TUFT1: variants seen among roughly 807,000 people sequenced by gnomAD.
The protein encoded by TUFT1 is tuftelin.
A neutral mutation model predicts 57.8 loss-of-function variants in TUFT1; 43 were observed. The ratio of observed to expected loss-of-function variants is 0.74; its 90% CI spans 0.58 to 0.96. The LOEUF (loss-of-function observed/expected upper bound fraction) is 0.96, where lower values mean the gene tolerates loss of function less well. TUFT1 is among the 40% of genes least tolerant of loss of function. The pLI, the probability that TUFT1 is intolerant of heterozygous loss-of-function variation, is 0.00. For synonymous variants in TUFT1, 166 were observed against 176.7 expected (o/e 0.94, Z 0.48); for missense variants, 459 against 489.0 (o/e 0.94, Z 0.58).
At chr1:151,546,294 ACT>A (rs1465264649) in intron 1 of TUFT1, among the ~76,000 whole-genome samples, 2 of 151,606 alleles carry the variant, frequency 1.3e-5, no homozygotes, top group Admixed American at 6.6e-5. Context: ...CCAGAGCCTC[ACT>A]CTCTTTTATT....
chr1:151,546,726 A>G (rs1040125831), intron 1 of TUFT1, among the ~76,000 whole-genome samples: 3 of 152,246 alleles, frequency 2.0e-5, no homozygotes, highest in Admixed American at 6.5e-5. Context: ...TGGCTGAATA[A>G]TATTCCATTA....
At chr1:151,574,138 C>T in intron 7 of TUFT1, 132 bp from the exon 8 acceptor site, 3 of 1,053,408 alleles carry the variant, frequency 2.8e-6, no homozygotes, top group Non-Finnish European at 2.7e-6. Context: ...TGGTGGTGAG[C>T]CCATCAGTGT....
rs756778579 is a variant in TUFT1, at chr1:151,562,163, A to C, written c.133A>C (p.Lys45Gln). The change falls in exon 2 of 13, where the codon AAG (lysine) becomes CAG (glutamine). Residue 45 changes from lysine (K) to glutamine (Q), a missense_variant and splice_region_variant. By Grantham distance (53) the Lys-to-Gln change is moderately conservative (BLOSUM62 1). Transcript: ENST00000368849. ...AGATGAACTTGAACACATAGCCCAG[A>C]AGGTACTGCGGAATTCTGGTGGGCA... ...TGDELEHIAQKAGRKTYAMVS... is the reference protein window; with the variant it reads ...TGDELEHIAQQAGRKTYAMVS... The C allele has an allele frequency of 1.9e-6, 3 of 1,613,896 alleles. No individual in the cohort carries two copies. In the South Asian group the frequency reaches 3.3e-5, roughly 18 times the overall value.
intron 7 of TUFT1, among the ~76,000 whole-genome samples, chr1:151,571,671 G>A (rs970943922): frequency 9.2e-5 from 14 of 152,144 alleles, no homozygotes; most frequent in Non-Finnish European, 1.8e-4. Context: ...TGAGGCTCTA[G>A]CACTGACCAG....
intron 1 of TUFT1, among the ~76,000 whole-genome samples, chr1:151,554,391 T>G (rs958670386): frequency 6.6e-6 from 1 of 152,204 alleles, no homozygotes; most frequent in East Asian, 1.9e-4. Flanking sequence ...CATGCAGTGT[T>G]TTTTTAAATT....
chr1:151,564,854 A>T, intron 5 of TUFT1: 1 of 356,058 alleles, frequency 2.8e-6, no homozygotes, highest in Non-Finnish European at 5.1e-6. Flanking sequence ...GAAACACTGT[A>T]CAGAAATTGA....
At chr1:151,578,617 G>A in intron 9 of TUFT1, 104 bp from the exon 10 acceptor site, 1 of 956,632 alleles carries the variant, frequency 1.0e-6, no homozygotes, top group Non-Finnish European at 1.6e-6. Flanking sequence ...ATCAGGCAAA[G>A]GGAATCATAT....
At chr1:151,553,326 G>A (rs781653188) in intron 1 of TUFT1, among the ~76,000 whole-genome samples, 24 of 152,168 alleles carry the variant, frequency 1.6e-4, no homozygotes, top group South Asian at 1.2e-3. Context: ...TCCTGACCTC[G>A]TGATCTGCCC....
intron 1 of TUFT1, among the ~76,000 whole-genome samples, chr1:151,549,437 T>G (rs1241818705): frequency 2.6e-5 from 4 of 152,108 alleles, no homozygotes; most frequent in Non-Finnish European, 5.9e-5. Context: ...GAGCCCTAAG[T>G]TTTTCATCAG....
At position 151,578,614 on chromosome 1, in the gene TUFT1, A is replaced by T. The variant is rs1666553449; in HGVS notation, c.819-107A>T. On this transcript the variant is annotated intron_variant, in intron 9 of 12. Transcript: ENST00000368849. The stretch of plus-strand genomic sequence containing the variant: ...AGAGCAGCCTACCAGGGAATCAGGC[A>T]AAGGGAATCATATTAATGGGAACCT... The T allele has an allele frequency of 5.4e-6, 5 of 925,644 alleles. No individual in the cohort carries two copies. In the South Asian group the frequency reaches 7.3e-5, roughly 13 times the overall value. The allele number at this position is 925,644 out of a possible 1,614,324, so 57.3% of individuals were successfully genotyped here. A position where few individuals can be genotyped will look rare whatever the true frequency, so the allele number is the denominator to read the frequency against.
At chr1:151,571,001 C>G (rs1229812728) in intron 7 of TUFT1, among the ~76,000 whole-genome samples, 2 of 152,278 alleles carry the variant, frequency 1.3e-5, no homozygotes, top group Non-Finnish European at 2.9e-5. Flanking sequence ...GCCACCACAC[C>G]TGGCCCATGG....
At chr1:151,543,087 G>T (rs997872446) in intron 1 of TUFT1, among the ~76,000 whole-genome samples, 1 of 152,172 alleles carries the variant, frequency 6.6e-6, no homozygotes, top group Non-Finnish European at 1.5e-5. Flanking sequence ...GTGCCTTAGC[G>T]TATCACATGT....
chr1:151,558,652 T>C lies in TUFT1; in HGVS notation c.61-3439T>C, dbSNP rs1665789916. Among the ~76,000 whole-genome samples, 2 of 152,110 alleles carry C rather than the reference T, an allele frequency of 1.3e-5. 1 individual carries two copies. Among genetic ancestry groups the C allele is most frequent in the Admixed American group, 1.3e-4 (2 of 15,274 alleles). Reference sequence around the variant, plus strand: ...AGCCTAGTTGTCTATGCTCTTCCAATTGGAATGCGTAGGTTTATGAAACAG... The same window carrying C: ...AGCCTAGTTGTCTATGCTCTTCCAACTGGAATGCGTAGGTTTATGAAACAG... On this transcript the variant is annotated intron_variant, in intron 1 of 12. Coordinates refer to ENST00000368849, the MANE Select transcript of TUFT1 (RefSeq NM_020127.3).
chr1:151,580,661 C>CAA lies in TUFT1; in HGVS notation c.1009-260_1009-259dup, dbSNP rs10714430. Among the ~76,000 whole-genome samples, 172 of 71,722 alleles carry CAA rather than the reference C, an allele frequency of 2.4e-3. 1 individual carries two copies. The highest frequency in any genetic ancestry group is 4.6e-3 in the South Asian group (10 of 2,188). 47.1% of individuals were successfully genotyped at this position (71,722 alleles called of 152,430 possible). A position where few individuals can be genotyped will look rare whatever the true frequency, so the allele number is the denominator to read the frequency against. On this transcript the variant is annotated intron_variant, in intron 11 of 12. Coordinates refer to ENST00000368849, the MANE Select transcript of TUFT1 (RefSeq NM_020127.3). ...TGGGCAACAGAGTGAGACCCTATCTCAAAAAAAAAAAAAAAAAAAAAAGAA... is the reference window on the plus strand; with the variant it reads ...TGGGCAACAGAGTGAGACCCTATCTCAAAAAAAAAAAAAAAAAAAAAAAAGAA...
At chr1:151,540,503 C>G (rs1267717024) in intron 1 of TUFT1, 77 bp downstream of exon 1, 2 of 1,559,122 alleles carry the variant, frequency 1.3e-6, no homozygotes, top group Non-Finnish European at 8.8e-7. Flanking sequence ...TGCCCCGCGC[C>G]GTGTTGGCTG....
At chr1:151,547,426 G>T (rs780200194) in intron 1 of TUFT1, among the ~76,000 whole-genome samples, 6 of 152,204 alleles carry the variant, frequency 3.9e-5, no homozygotes, top group Non-Finnish European at 8.8e-5. Flanking sequence ...TTGGGTCAAG[G>T]TGCAGAGGCT....
At chr1:151,573,261 G>A (rs560692262) in intron 7 of TUFT1, among the ~76,000 whole-genome samples, 58 of 152,260 alleles carry the variant, frequency 3.8e-4, no homozygotes, top group South Asian at 1.7e-3. Flanking sequence ...AGGGAAGGCC[G>A]TGTGTTCCTT....
chr1:151,542,928 G>T (rs1180640411), intron 1 of TUFT1, among the ~76,000 whole-genome samples: 1 of 152,166 alleles, frequency 6.6e-6, no homozygotes, highest in Non-Finnish European at 1.5e-5. Context: ...CCACTGAATG[G>T]GTGCTCAATT....
In TUFT1 at chr1:151,558,028, T is replaced by C. The variant is rs1571697208; in HGVS notation, c.61-4063T>C. 7.3e-6 allele frequency: 3 copies of C among 411,296 alleles called. No individual in the cohort carries two copies. The East Asian group carries it at 2.0e-4, about 27-fold the overall frequency. 25.5% of individuals were successfully genotyped at this position (411,296 alleles called of 1,614,324 possible). On this transcript the variant is annotated intron_variant, in intron 1 of 12. Transcript: ENST00000368849. ...GAAAACCTAAGAGGGGAAGGAAATC[T>C]TGTTGTATTTACCCATCTTTTTTCA...
Sources: allele counts gnomAD v4.1 joint callset (sites outside exome capture counted in the v4.1 genomes callset), GRCh38; gene constraint gnomAD v4.1.1; transcripts MANE v1.5; gene names NCBI Gene and HGNC (gene_info 2026-07-23, HGNC 2026-07-21).